The following MPPED2 variants were observed in gnomAD, a reference collection of about 807,000 sequenced individuals.
The protein encoded by MPPED2 is metallophosphoesterase domain containing 2.
Under a neutral mutation model 33.0 loss-of-function variants are expected in MPPED2, and 5 were observed. That is an observed-to-expected ratio of 0.15 (90% CI 0.08 to 0.32). The LOEUF (loss-of-function observed/expected upper bound fraction) is 0.32. Among genes scored for constraint, MPPED2 ranks in the 10% least tolerant of loss-of-function variants. The pLI is 1.00. For synonymous variants in MPPED2, 136 were observed against 141.9 expected, an observed-to-expected ratio of 0.96 and a Z score of 0.29; for missense variants, 275 against 372.1, an observed-to-expected ratio of 0.74 and a Z score of 2.15.
intron 4 of MPPED2, among the ~76,000 whole-genome samples, chr11:30,480,940 TAAG>T (rs1354387727): frequency 1.3e-5 from 2 of 152,018 alleles, no homozygotes; most frequent in African/African-American, 4.8e-5. Flanking sequence ...ATAATGAAGA[TAAG>T]AAAATTGAGA....
At chr11:30,483,089 G>A (rs751473777) in intron 4 of MPPED2, among the ~76,000 whole-genome samples, 3 of 152,068 alleles carry the variant, frequency 2.0e-5, no homozygotes, top group South Asian at 2.1e-4. Flanking sequence ...TATGAAAGCC[G>A]GCAACCACAC....
chr11:30,385,693 G>T (rs1188111538), exon 7 of MPPED2: 1 of 151,884 alleles, frequency 6.6e-6, no homozygotes, highest in Non-Finnish European at 1.5e-5. Context: ...TCTGTTCTCT[G>T]GCTATACTGG....
chr11:30,426,462 G>A (rs187392777), intron 4 of MPPED2, among the ~76,000 whole-genome samples: 42 of 152,192 alleles, frequency 2.8e-4, no homozygotes, highest in African/African-American at 8.4e-4. Context: ...AGGGAGACCC[G>A]GATAATAAGT....
intron 6 of MPPED2, among the ~76,000 whole-genome samples, chr11:30,411,866 A>G (rs1244723143): frequency 6.6e-6 from 1 of 152,102 alleles, no homozygotes; most frequent in Admixed American, 6.6e-5. Flanking sequence ...ACTAGGGAGA[A>G]TAAAGAAAAA....
intron 3 of MPPED2, among the ~76,000 whole-genome samples, chr11:30,512,874 A>C (rs552460): frequency 6.6e-6 from 1 of 152,176 alleles, no homozygotes; most frequent in African/African-American, 2.4e-5. Context: ...GGTGGTGTAC[A>C]CCTGTGATCG....
chr11:30,525,891 T>A (rs11031122), intron 3 of MPPED2, among the ~76,000 whole-genome samples: 1 of 152,062 alleles, frequency 6.6e-6, no homozygotes, highest in Non-Finnish European at 1.5e-5. Flanking sequence ...TTCACATGGA[T>A]CACAAAAGAC....
chr11:30,541,421 T>C (rs1955106559), intron 2 of MPPED2, among the ~76,000 whole-genome samples: 1 of 152,208 alleles, frequency 6.6e-6, no homozygotes, highest in African/African-American at 2.4e-5. Context: ...TGTTGTGACA[T>C]GGATTTCTTC....
intron 3 of MPPED2, among the ~76,000 whole-genome samples, chr11:30,498,202 G>T (rs1409814585): frequency 6.6e-6 from 1 of 151,796 alleles, no homozygotes; most frequent in East Asian, 1.9e-4. Context: ...TTCAGATCAT[G>T]CCAGCTAAGC....
chr11:30,473,225 T>A (rs1590421785), intron 4 of MPPED2, among the ~76,000 whole-genome samples: 2 of 152,320 alleles, frequency 1.3e-5, no homozygotes, highest in East Asian at 1.9e-4. Flanking sequence ...TTGGCATGTA[T>A]CTCTATTTCA....
In MPPED2 at chr11:30,452,079, G is replaced by A; in HGVS notation, c.537-34446C>T. 3.0e-6 allele frequency: 3 copies of A among 985,286 alleles called. No homozygotes were observed. In the South Asian group the frequency reaches 1.4e-4, roughly 46 times the overall value. The allele number at this position is 985,286 out of a possible 1,614,324, so 61.0% of individuals were successfully genotyped here. A position where few individuals can be genotyped will look rare whatever the true frequency, so the allele number is the denominator to read the frequency against. On this transcript the variant is annotated intron_variant, in intron 4 of 6. Coordinates refer to ENST00000358117, the MANE Select transcript of MPPED2 (RefSeq NM_001584.3). ...CCAAAGCCACCTCAGCTTCACTTGT[G>A]GTCACTGTGGAAAGAAAGCAGAAAG... is the stretch of plus-strand genomic sequence containing the variant.
chr11:30,464,829 C>G (rs1950643241), intron 4 of MPPED2, among the ~76,000 whole-genome samples: 1 of 152,150 alleles, frequency 6.6e-6, no homozygotes, highest in Admixed American at 6.5e-5. Context: ...ACTAACTCGT[C>G]TTCAAGGAAC....
intron 4 of MPPED2, among the ~76,000 whole-genome samples, chr11:30,494,959 T>G (rs1952186251): frequency 6.6e-6 from 1 of 152,138 alleles, no homozygotes; most frequent in African/African-American, 2.4e-5. Flanking sequence ...ATAGGTTATA[T>G]GCAAATACTA....
chr11:30,549,973 C>G (rs1955620719), intron 2 of MPPED2, among the ~76,000 whole-genome samples: 1 of 152,140 alleles, frequency 6.6e-6, no homozygotes, highest in Non-Finnish European at 1.5e-5. Flanking sequence ...CCCCTCTTCC[C>G]ACTCCCATAT....
rs1370480678 is a variant in MPPED2, at chr11:30,396,421, A to C, written c.767-7465T>G. Among the ~76,000 whole-genome samples the C allele has an allele frequency of 2.6e-5, 4 of 152,282 alleles. No individual in the cohort carries two copies. The East Asian group carries it at 7.7e-4, about 29-fold the overall frequency. Reference sequence around the variant, plus strand: ...TGCTTATTTCTTATGCTTAGACATAACTATACATTTTATGGTTGCTGTACA... The same window carrying C: ...TGCTTATTTCTTATGCTTAGACATACCTATACATTTTATGGTTGCTGTACA... On this transcript the variant is annotated intron_variant, in intron 6 of 6. Transcript: ENST00000448418.
At chr11:30,439,909 C>G (rs1949489357) in intron 4 of MPPED2, among the ~76,000 whole-genome samples, 1 of 152,196 alleles carries the variant, frequency 6.6e-6, no homozygotes, top group Non-Finnish European at 1.5e-5. Context: ...TGGTATAAAT[C>G]TAGGTGTTCT....
At chr11:30,451,313 C>T (rs573161044) in intron 4 of MPPED2, among the ~76,000 whole-genome samples, 16 of 152,168 alleles carry the variant, frequency 1.1e-4, no homozygotes, top group Non-Finnish European at 2.2e-4. Context: ...GATTAGATGT[C>T]ACAAAGCTTA....
chr11:30,572,958 T>G (rs1956770316), intron 2 of MPPED2, among the ~76,000 whole-genome samples: 1 of 152,216 alleles, frequency 6.6e-6, no homozygotes, highest in African/African-American at 2.4e-5. Context: ...GTCTATTGGC[T>G]GGTAAGGAAC....
chr11:30,389,269 TTG>T (rs1488176207), intron 6 of MPPED2, among the ~76,000 whole-genome samples: 1 of 152,060 alleles, frequency 6.6e-6, no homozygotes, highest in East Asian at 1.9e-4. Flanking sequence ...TTGACTGAGG[TTG>T]GGTACATTCC....
intron 3 of MPPED2, among the ~76,000 whole-genome samples, chr11:30,527,401 A>G (rs1249959579): frequency 6.6e-6 from 1 of 150,696 alleles, no homozygotes; most frequent in Non-Finnish European, 1.5e-5. Context: ...TGCCCTTGGT[A>G]ACCTGGTGAA....
Sources: allele counts gnomAD v4.1 joint callset (sites outside exome capture counted in the v4.1 genomes callset), GRCh38; gene constraint gnomAD v4.1.1; transcripts MANE v1.5; gene names NCBI Gene and HGNC (gene_info 2026-07-23, HGNC 2026-07-21).